The following UTRN variants were observed in gnomAD, a reference collection of about 807,000 sequenced individuals.
UTRN encodes dystrophin-related protein 1.
In UTRN, 283 loss-of-function variants were observed where a neutral mutation model predicts 463.9. The ratio of observed to expected loss-of-function variants is 0.61; its 90% CI spans 0.55 to 0.67. The LOEUF (loss-of-function observed/expected upper bound fraction) is 0.67, where lower values mean the gene tolerates loss of function less well. Among genes scored for constraint, UTRN ranks in the 30% least tolerant of loss-of-function variants. UTRN has a pLI of 0.00. For synonymous variants in UTRN, 1,442 were observed against 1,431.5 expected (o/e 1.01, Z -0.17); for missense variants, 3,922 against 4,084.3 (o/e 0.96, Z 1.08).
intron 2 of UTRN, among the ~76,000 whole-genome samples, chr6:144,336,402 A>G (rs766249680): frequency 8.5e-5 from 13 of 152,150 alleles, no homozygotes; most frequent in Non-Finnish European, 1.6e-4. Flanking sequence ...AGAGATTGTG[A>G]CTGTAGGTGA....
chr6:144,626,849 A>C (rs143043144), intron 51 of UTRN, among the ~76,000 whole-genome samples: 1 of 152,158 alleles, frequency 6.6e-6, no homozygotes, highest in Non-Finnish European at 1.5e-5. Context: ...CGTGTTGGCC[A>C]GAATGGTCTC....
Position 144,699,473 on chromosome 6 carries a change from G to GTTTTTTTTT in UTRN, c.7653-595_7653-587dup, listed in dbSNP as rs71024902. Among the ~76,000 whole-genome samples the GTTTTTTTTT allele has an allele frequency of 8.8e-3, 595 of 67,636 alleles. 33 individuals carry two copies. Among genetic ancestry groups the GTTTTTTTTT allele is most frequent in the Admixed American group, 0.015 (52 of 3,408 alleles). 44.4% of individuals were successfully genotyped at this position (67,636 alleles called of 152,430 possible). On this transcript the variant is annotated intron_variant, in intron 52 of 74. Coordinates refer to ENST00000367545, the MANE Select transcript of UTRN (RefSeq NM_007124.3). ...AAATAATAATAATAATTAGTCAGTG[G>GTTTTTTTTT]TTTTTTTTTTTTTTTTTTTTTTTTT...
chr6:144,774,443 A>G, intron 60 of UTRN, 79 bp downstream of exon 60: 1 of 1,311,760 alleles, frequency 7.6e-7, no homozygotes, highest in Non-Finnish European at 1.0e-6. Context: ...ATAAATGAAG[A>G]GGATGGAGTG....
chr6:144,306,526 G>T (rs541334644), intron 2 of UTRN, among the ~76,000 whole-genome samples: 1 of 152,212 alleles, frequency 6.6e-6, no homozygotes, highest in South Asian at 2.1e-4. Context: ...TTTAACACTC[G>T]CAAATGAAGC....
chr6:144,782,002 C>T lies in UTRN; in HGVS notation c.8713C>T (p.Pro2905Ser), dbSNP rs144857275. Residue 2905 changes from proline to serine, a missense_variant, in exon 61 of 75, where the codon CCA (proline) becomes TCA (serine). This residue lies in a region of UTRN where 1,309 missense variants were observed against 1,452.6 expected (regional missense o/e 0.90). Transcript: ENST00000367545. ...CCAAAATGACCAGCTCCTCAGTGTTCCAGATGTCATCAACTGTCTGACAAC... is the reference window on the plus strand; with the variant it reads ...CCAAAATGACCAGCTCCTCAGTGTTTCAGATGTCATCAACTGTCTGACAAC... ...LNQNDQLLSVPDVINCLTTTY... is the reference protein window; with the variant it reads ...LNQNDQLLSVSDVINCLTTTY... 1.5e-5 allele frequency: 24 copies of T among 1,613,892 alleles called. No homozygotes were observed. Among genetic ancestry groups the T allele is most frequent in the Middle Eastern group, 3.3e-4 (2 of 6,082 alleles).
chr6:144,448,206 G>A (rs1426178211), intron 16 of UTRN, among the ~76,000 whole-genome samples: 1 of 152,154 alleles, frequency 6.6e-6, no homozygotes, highest in African/African-American at 2.4e-5. Flanking sequence ...AATATTATCT[G>A]ATAATACAAA....
intron 51 of UTRN, among the ~76,000 whole-genome samples, chr6:144,616,064 T>C (rs906432574): frequency 1.3e-5 from 2 of 152,104 alleles, no homozygotes; most frequent in Admixed American, 1.3e-4. Flanking sequence ...CTCATTATCT[T>C]GAAACAGTTT....
chr6:144,582,673 T>TCCATTTC (rs1802078389), intron 51 of UTRN, among the ~76,000 whole-genome samples: 1 of 152,218 alleles, frequency 6.6e-6, no homozygotes, highest in Non-Finnish European at 1.5e-5. Context: ...ACTTAGCTGT[T>TCCATTTC]TAATTAGACA....
At chr6:144,723,838 C>G (rs1266203790) in intron 53 of UTRN, among the ~76,000 whole-genome samples, 10 of 151,168 alleles carry the variant, frequency 6.6e-5, no homozygotes. Context: ...CCTGTTTCTA[C>G]AAAAACGTAT....
At chr6:144,346,928 TA>T (rs1777635861) in intron 2 of UTRN, among the ~76,000 whole-genome samples, 1 of 151,082 alleles carries the variant, frequency 6.6e-6, no homozygotes, top group East Asian at 1.9e-4. Flanking sequence ...TATCGATCTC[TA>T]TCTTTATCCA....
chr6:144,451,598 T>C (rs1271387330), intron 18 of UTRN, 105 bp downstream of exon 18: 14 of 1,348,954 alleles, frequency 1.0e-5, no homozygotes, highest in Admixed American at 2.5e-5. Flanking sequence ...TCCTGTAAAA[T>C]AAATGTAGGC....
Position 144,485,006 on chromosome 6 carries a change from C to A in UTRN, c.3688-379C>A, listed in dbSNP as rs183380853. Among the ~76,000 whole-genome samples the A allele has an allele frequency of 4.6e-3, 697 of 152,084 alleles. 3 individuals are homozygous for A. Among genetic ancestry groups the A allele is most frequent in the Admixed American group, 9.0e-3 (138 of 15,284 alleles). On this transcript the variant is annotated intron_variant, in intron 27 of 74. Coordinates refer to ENST00000367545, the MANE Select transcript of UTRN (RefSeq NM_007124.3). ...CTCAGCTCACCGCAACCTCCGCCTC[C>A]CGGGTTCACGCCATTCTCCTGCCTC...
At chr6:144,666,891 C>T (rs1427756312) in intron 51 of UTRN, among the ~76,000 whole-genome samples, 3 of 152,168 alleles carry the variant, frequency 2.0e-5, no homozygotes, top group East Asian at 1.9e-4. Flanking sequence ...GAAAACACAT[C>T]GCCTGATCTG....
chr6:144,830,007 G>A (rs1468844473), intron 69 of UTRN, among the ~76,000 whole-genome samples: 1 of 152,090 alleles, frequency 6.6e-6, no homozygotes, highest in Non-Finnish European at 1.5e-5. Flanking sequence ...TGCATTTCAT[G>A]TAAAGTAGTT....
rs921740116 is a variant in UTRN at position 144,588,078 on chromosome 6, A to G, written c.7479+10790A>G. On this transcript the variant is annotated intron_variant, in intron 51 of 74. Transcript: ENST00000367545. ...AGCTGTATGGATACCCACACAGACT[A>G]CTTTCTCTACTCTGCGTTTGTTTCT... is the stretch of plus-strand genomic sequence containing the variant. 2.0e-5 allele frequency among the ~76,000 whole-genome samples: 3 copies of G among 152,098 alleles called. No individual in the cohort carries two copies. The East Asian group carries it at 5.8e-4, about 29-fold the overall frequency.
intron 63 of UTRN, 78 bp from the exon 64 acceptor site, chr6:144,797,746 A>G (rs1340198179): frequency 1.4e-6 from 2 of 1,450,538 alleles, no homozygotes; most frequent in African/African-American, 2.9e-5. Context: ...AATTTTCAGA[A>G]GATTATGAAG....
intron 69 of UTRN, among the ~76,000 whole-genome samples, chr6:144,830,929 T>C (rs1780621692): frequency 6.6e-6 from 1 of 152,156 alleles, no homozygotes; most frequent in Admixed American, 6.5e-5. Context: ...GAACTTGAAA[T>C]TGGCCATGAT....
At chr6:144,307,342 A>G (rs1246589730) in intron 2 of UTRN, among the ~76,000 whole-genome samples, 3 of 152,222 alleles carry the variant, frequency 2.0e-5, no homozygotes, top group Non-Finnish European at 4.4e-5. Context: ...AGAAGAGGTT[A>G]ACAATAAATC....
At chr6:144,334,888 T>C (rs1376565796) in intron 2 of UTRN, among the ~76,000 whole-genome samples, 5 of 152,268 alleles carry the variant, frequency 3.3e-5, no homozygotes, top group African/African-American at 1.2e-4. Context: ...ATTTTTCAAG[T>C]GAGAGTTGAA....
Sources: allele counts gnomAD v4.1 joint callset (sites outside exome capture counted in the v4.1 genomes callset), GRCh38; gene constraint gnomAD v4.1.1; regional missense constraint gnomAD v4.1.1; transcripts MANE v1.5; gene names NCBI Gene and HGNC (gene_info 2026-07-23, HGNC 2026-07-21).